Variants in CHD2 observed in about 807,000 individuals in gnomAD.
CHD2 encodes ATP-dependent chromatin remodeler CHD2.
CHD2 carries 28 observed loss-of-function variants against 243.9 expected under a neutral mutation model. The ratio of observed to expected loss-of-function variants is 0.11; its 90% CI spans 0.09 to 0.16. The LOEUF (loss-of-function observed/expected upper bound fraction) is 0.16. Ranked by LOEUF, CHD2 falls within the 10% of genes least tolerant of loss-of-function variation. The pLI is 1.00. For synonymous variants in CHD2, 775 were observed against 779.0 expected (o/e 0.99, Z 0.09); for missense variants, 1,386 against 2,209.8 (o/e 0.63, Z 7.47).
At chr15:92,974,641 A>G (rs2053884222) in intron 19 of CHD2, 2 of 405,168 alleles carry the variant, frequency 4.9e-6, no homozygotes, top group East Asian at 5.0e-5. Flanking sequence ...ATCCTTGGCT[A>G]AACCTGGACA....
chr15:92,967,945 G>A (rs906790271), intron 17 of CHD2, among the ~76,000 whole-genome samples: 1 of 151,838 alleles, frequency 6.6e-6, no homozygotes, highest in East Asian at 1.9e-4. Context: ...CATTTTGCTT[G>A]TTTTGGGATC....
At chr15:92,925,907 T>G (rs916062686) in intron 3 of CHD2, among the ~76,000 whole-genome samples, 1 of 152,206 alleles carries the variant, frequency 6.6e-6, no homozygotes, top group East Asian at 1.9e-4. Context: ...CTTCATCATT[T>G]TTATGTTGTT....
chr15:92,946,001 C>A (rs1416320629), intron 11 of CHD2, 37 bp from the exon 12 acceptor site: 3 of 1,525,972 alleles, frequency 2.0e-6, no homozygotes, highest in Non-Finnish European at 2.7e-6. Flanking sequence ...TTTTAATTGA[C>A]AGTTGCTAAT....
At chr15:92,995,597 T>C (rs1487804463) in intron 28 of CHD2, among the ~76,000 whole-genome samples, 1 of 152,212 alleles carries the variant, frequency 6.6e-6, no homozygotes, top group African/African-American at 2.4e-5. Context: ...TCCTCTTTCC[T>C]TTTACAGTTG....
In CHD2 at chr15:93,025,042, TGA is replaced by T; in HGVS notation, c.*338_*339del. The T allele has an allele frequency of 3.8e-6, 1 of 265,042 alleles. No individual in the cohort carries two copies. The highest frequency in any genetic ancestry group is 6.5e-5 in the South Asian group (1 of 15,386). 16.4% of individuals were successfully genotyped at this position (265,042 alleles called of 1,614,324 possible). The stretch of plus-strand genomic sequence containing the variant: ...AAGGAACAGGGGATCTTCAGAGTCA[TGA>T]ATGTTTTCTTGCCAGGGTCAGTGTT... On this transcript the variant is annotated 3_prime_UTR_variant, in exon 39 of 39. Transcript: ENST00000394196.
At chr15:93,015,465 G>C (rs1434036954) in intron 37 of CHD2, among the ~76,000 whole-genome samples, 1 of 151,950 alleles carries the variant, frequency 6.6e-6, no homozygotes, top group African/African-American at 2.4e-5. Flanking sequence ...TTTACATTCT[G>C]TATGACAGTG....
chr15:93,015,974 C>T (rs529106391), intron 37 of CHD2, among the ~76,000 whole-genome samples: 1 of 152,326 alleles, frequency 6.6e-6, no homozygotes, highest in East Asian at 1.9e-4. Flanking sequence ...ACAAACAGAA[C>T]TACCATATGA....
chr15:92,972,472 C>G, intron 19 of CHD2, 55 bp downstream of exon 19: 1 of 1,441,994 alleles, frequency 6.9e-7, no homozygotes, highest in Non-Finnish European at 9.4e-7. Context: ...CTCCGCCTCC[C>G]CTCCCCAACC....
intron 28 of CHD2, among the ~76,000 whole-genome samples, chr15:92,995,491 CGTGT>C (rs71156699): frequency 0.43 from 65,877 of 151,458 alleles, 15,700 homozygotes; most frequent in East Asian, 0.83. Flanking sequence ...AGTGTGTGTG[CGTGT>C]GTATTTTCCT....
rs767309501 is a variant in CHD2, at chr15:92,972,421, A to C, written c.2505+4A>C. On this transcript the variant is annotated splice_donor_region_variant and intron_variant, in intron 19 of 38. Transcript: ENST00000394196. ...TATTAAACACTATCCTTTCCAGGTA[A>C]GGTGATTTCAGTAATTGCTGTGGGG... The C allele has an allele frequency of 6.3e-7, 1 of 1,583,092 alleles. No individual in the cohort carries two copies. Among genetic ancestry groups the C allele is most frequent in the South Asian group, 1.2e-5 (1 of 86,782 alleles).
chr15:92,907,771 G>GTA (rs1201363384), intron 2 of CHD2, among the ~76,000 whole-genome samples: 1 of 152,152 alleles, frequency 6.6e-6, no homozygotes. Flanking sequence ...TAAGCTTTTA[G>GTA]TAAGGTTATT....
At chr15:93,009,443 C>A in intron 35 of CHD2, 120 bp downstream of exon 35, 2 of 962,744 alleles carry the variant, frequency 2.1e-6, no homozygotes, top group South Asian at 1.8e-5. Flanking sequence ...CACAACTCAT[C>A]TATTGGCAAT....
chr15:92,912,655 T>A (rs926424883), intron 2 of CHD2, among the ~76,000 whole-genome samples: 2 of 152,260 alleles, frequency 1.3e-5, no homozygotes, highest in African/African-American at 4.8e-5. Flanking sequence ...TGCCTCAGCC[T>A]TCTGAGTAGC....
chr15:93,002,191 A>G lies in CHD2; in HGVS notation c.4152A>G (p.Glu1384=). 6.3e-7 allele frequency: 1 copy of G among 1,592,050 alleles called. No individual in the cohort carries two copies. Among genetic ancestry groups the G allele is most frequent in the Non-Finnish European group, 8.5e-7 (1 of 1,174,130 alleles). Residue 1384 remains glutamate (E), a synonymous_variant, in exon 33 of 39, where the codon GAA becomes GAG. Transcript: ENST00000394196. Reference sequence around the variant, plus strand: ...TTGTTTCCTAGGATGATGGCTTGGAAAAAAGTCCAATGAAAAAAAAACAGA... The same window carrying G: ...TTGTTTCCTAGGATGATGGCTTGGAGAAAAGTCCAATGAAAAAAAAACAGA... ...EEGEVKDDGL[E]KSPMKKKQKK... is the part of the protein sequence containing the mutation.
At chr15:92,905,092 T>C (rs974579275) in intron 2 of CHD2, 14 of 1,222,800 alleles carry the variant, frequency 1.1e-5, no homozygotes, top group Admixed American at 9.3e-5. Context: ...TTCAATAACA[T>C]TAAAAAGTGG....
chr15:92,921,819 C>G (rs931171953), intron 2 of CHD2, among the ~76,000 whole-genome samples: 2 of 152,160 alleles, frequency 1.3e-5, no homozygotes, highest in African/African-American at 4.8e-5. Context: ...TAAAAGATGA[C>G]ACAGGCCTGA....
chr15:93,027,574 A>C lies in CHD2; in HGVS notation c.*2869A>C, dbSNP rs1055957772. On this transcript the variant is annotated 3_prime_UTR_variant, in exon 39 of 39. Transcript: ENST00000394196. ...CTGGCCTGGTGTGTCTGAAAGTTGC[A>C]TCAGTCCTCACGGTGCAAACACAGT... The C allele has an allele frequency of 6.6e-6, 1 of 152,670 alleles. No homozygotes were observed. The highest frequency in any genetic ancestry group is 1.5e-5 in the Non-Finnish European group (1 of 68,060). 9.5% of individuals were successfully genotyped at this position (152,670 alleles called of 1,614,324 possible).
chr15:92,953,336 A>C, intron 13 of CHD2, 21 bp from the exon 14 acceptor site: 1 of 1,602,058 alleles, frequency 6.2e-7, no homozygotes, highest in Non-Finnish European at 8.5e-7. Context: ...TTTTGTTTTT[A>C]TTTATTTTTT....
chr15:92,939,628 A>G lies in CHD2; in HGVS notation c.602A>G (p.Lys201Arg), dbSNP rs1369732003. 2 of 1,614,216 alleles carry G rather than the reference A, an allele frequency of 1.2e-6. No homozygotes were observed. Among genetic ancestry groups the G allele is most frequent in the Non-Finnish European group, 1.7e-6 (2 of 1,180,034 alleles). ...VKKQPKTQRG[K>R]RKKQDSSDED... ...AAGCAGCCGAAGACTCAGCGTGGAAAGAGAAAAAAGCAAGATTCTTCTGAT... is the reference window on the plus strand; with the variant it reads ...AAGCAGCCGAAGACTCAGCGTGGAAGGAGAAAAAAGCAAGATTCTTCTGAT... Residue 201 changes from lysine to arginine, a missense_variant, in exon 7 of 39, where the codon AAG (lysine) becomes AGG (arginine). This residue lies in a region of CHD2 where 90 missense variants were observed against 78.0 expected (regional missense o/e 1.15). Transcript: ENST00000394196.
Sources: allele counts gnomAD v4.1 joint callset (sites outside exome capture counted in the v4.1 genomes callset), GRCh38; gene constraint gnomAD v4.1.1; regional missense constraint gnomAD v4.1.1; transcripts MANE v1.5; gene names NCBI Gene and HGNC (gene_info 2026-07-23, HGNC 2026-07-21).